Variants in BNIP3 observed in about 807,000 individuals in gnomAD.
The protein encoded by BNIP3 is BCL2/adenovirus E1B 19 kDa protein-interacting protein 3.
In BNIP3, 16 loss-of-function variants were observed where a neutral mutation model predicts 23.9. The observed-to-expected ratio is 0.67, with a 90% CI of 0.45 to 1.01. The LOEUF (loss-of-function observed/expected upper bound fraction) is 1.01, where lower values mean the gene tolerates loss of function less well. Among genes scored for constraint, BNIP3 ranks in the 50% least tolerant of loss-of-function variants. BNIP3 has a pLI of 0.00. For missense variants in BNIP3, 198 were observed against 248.7 expected (o/e 0.80, Z 1.37); for synonymous variants, 81 against 89.3 (o/e 0.91, Z 0.53).
At position 131,970,908 on chromosome 10, in the gene BNIP3, A is replaced by G. The variant is rs150504276; in HGVS notation, c.345T>C (p.Asp115=). 2.7e-3 allele frequency: 4,396 copies of G among 1,614,172 alleles called. 58 individuals carry two copies. The highest frequency in any genetic ancestry group is 1.6e-3 in the Non-Finnish European group (1,881 of 1,180,018). Residue 115 remains aspartate (D), a synonymous_variant, in exon 4 of 6, where the codon GAT becomes GAC. Coordinates refer to ENST00000368636, the MANE Select transcript of BNIP3 (RefSeq NM_004052.4). The surrounding 1 kb of genome is among the most constrained non-coding windows in gnomAD (Gnocchi z 4.1). ...EVESILKKNS[D]WIWDWSSRPE... is the part of the protein sequence containing the mutation. ...GCCGACTTGACCAATCCCATATCCA[A>G]TCTGAGTTTTTCTTCAAGATGCTTT...
Position 131,968,577 on chromosome 10 carries a change from GA to G in BNIP3, c.540-9del. ...CGCCTTCCAATATAGATCCTTCACA[GA>G]AAAATTATCAGTAGTTAATGTATCT... is the stretch of plus-strand genomic sequence containing the variant. On this transcript the variant is annotated splice_polypyrimidine_tract_variant and intron_variant, in intron 5 of 5. Transcript: ENST00000368636. 1 of 1,592,664 alleles carries G rather than the reference GA, an allele frequency of 6.3e-7. No homozygotes were observed. Among genetic ancestry groups the G allele is most frequent in the Non-Finnish European group, 8.6e-7 (1 of 1,161,172 alleles).
chr10:131,980,167 A>C (rs1474129878), intron 1 of BNIP3: 2 of 152,254 alleles, frequency 1.3e-5, no homozygotes, highest in African/African-American at 4.8e-5. Context: ...ATGACTCAGC[A>C]GCCTGTGTAA....
At position 131,970,617 on chromosome 10, in the gene BNIP3, TCA is replaced by T; in HGVS notation, c.539+19_539+20del. The T allele has an allele frequency of 6.2e-7, 1 of 1,611,186 alleles. No individual in the cohort carries two copies. The highest frequency in any genetic ancestry group is 8.5e-7 in the Non-Finnish European group (1 of 1,178,700). Reference sequence around the variant, plus strand: ...GCCCCACGACATGCCATGACAGGAGTCACACAGTCACATCACCTACCCCAATC... The same window carrying T: ...GCCCCACGACATGCCATGACAGGAGTCACAGTCACATCACCTACCCCAATC... On this transcript the variant is annotated intron_variant, in intron 5 of 5. Transcript: ENST00000368636. This position sits in a 1 kb window ranked among gnomAD's most constrained non-coding sequence, Gnocchi z 4.1.
intron 2 of BNIP3, 138 bp downstream of exon 2, chr10:131,973,655 G>A (rs916226402): frequency 8.4e-7 from 1 of 1,186,700 alleles, no homozygotes; most frequent in Non-Finnish European, 1.2e-6. Context: ...ACGGACTGCA[G>A]CAGGAGCCAG....
chr10:131,977,809 T>C (rs45439995), intron 1 of BNIP3, among the ~76,000 whole-genome samples: 70 of 152,242 alleles, frequency 4.6e-4, no homozygotes, highest in African/African-American at 1.6e-3. Context: ...CTCCAGATTG[T>C]CCATGGCTAA....
rs2037081085 is a variant in BNIP3, at chr10:131,976,861, G to C, written c.47-2918C>G. On this transcript the variant is annotated intron_variant, in intron 1 of 5. Coordinates refer to ENST00000368636, the MANE Select transcript of BNIP3 (RefSeq NM_004052.4). This position sits in a 1 kb window ranked among gnomAD's most constrained non-coding sequence, Gnocchi z 4.3. ...ACTTACACCAAAAATGGTTAACCAAGGAGCACTTTTGGAGTACACTGCTAA... is the reference window on the plus strand; with the variant it reads ...ACTTACACCAAAAATGGTTAACCAACGAGCACTTTTGGAGTACACTGCTAA... 6.6e-6 allele frequency among the ~76,000 whole-genome samples: 1 copy of C among 152,164 alleles called. No individual in the cohort carries two copies. The highest frequency in any genetic ancestry group is 1.5e-5 in the Non-Finnish European group (1 of 68,024).
At chr10:131,978,779 A>C (rs1274415108) in intron 1 of BNIP3, among the ~76,000 whole-genome samples, 1 of 152,242 alleles carries the variant, frequency 6.6e-6, no homozygotes, top group Non-Finnish European at 1.5e-5. Context: ...GAACAGAGGG[A>C]GGCAGCATCC....
intron 5 of BNIP3, chr10:131,969,167 A>C (rs1037768403): frequency 4.6e-5 from 7 of 152,796 alleles, no homozygotes; most frequent in Non-Finnish European, 8.8e-5. Context: ...CTGTGAGCGC[A>C]GACAGTGCTG....
intron 1 of BNIP3, chr10:131,981,227 A>G (rs907888390): frequency 3.9e-5 from 6 of 154,188 alleles, no homozygotes; most frequent in African/African-American, 1.2e-4. Context: ...ATTTAATGCC[A>G]TATTTTAAAA....
At chr10:131,979,314 A>G (rs1047662959) in intron 1 of BNIP3, among the ~76,000 whole-genome samples, 4 of 152,242 alleles carry the variant, frequency 2.6e-5, no homozygotes, top group Middle Eastern at 3.2e-3. Flanking sequence ...AATAAGTAGA[A>G]AACATCTTTT....
chr10:131,971,538 C>CG (rs1406293139), intron 3 of BNIP3: 5 of 152,764 alleles, frequency 3.3e-5, no homozygotes, highest in African/African-American at 1.2e-4. Flanking sequence ...ATCTGAGAGT[C>CG]TAAGTGTTTT....
At position 131,973,886 on chromosome 10, in the gene BNIP3, G is replaced by A. The variant is rs1373416687; in HGVS notation, c.104C>T (p.Ser35Leu). ...CATGTCTCCATTATAAATAGAAACC[G>A]AGGCTGGAACGCTGCCCCCGTTCCC... ...NNGNGGSVPASVSIYNGDMEK... is the reference protein window; with the variant it reads ...NNGNGGSVPALVSIYNGDMEK... The change falls in exon 2 of 6, where the codon TCG becomes TTG. Residue 35 changes from serine (S) to leucine (L), a missense_variant. Coordinates refer to ENST00000368636, the MANE Select transcript of BNIP3 (RefSeq NM_004052.4). 8 of 1,613,326 alleles carry A rather than the reference G, an allele frequency of 5.0e-6. No homozygotes were observed. The highest frequency in any genetic ancestry group is 3.3e-5 in the South Asian group (3 of 91,034).
At chr10:131,981,407 C>T in intron 1 of BNIP3, 1 of 349,284 alleles carries the variant, frequency 2.9e-6, no homozygotes, top group Non-Finnish European at 5.2e-6. Flanking sequence ...CGGAGGGCAA[C>T]GTGGACTTTG....
chr10:131,981,705 TC>T, intron 1 of BNIP3, 55 bp downstream of exon 1: 1 of 1,277,732 alleles, frequency 7.8e-7, no homozygotes. Flanking sequence ...CTCTTGGCCT[TC>T]CCCAGGCTTC....
chr10:131,970,404 C>A lies in BNIP3; in HGVS notation c.539+234G>T. The A allele has an allele frequency of 1.7e-6, 1 of 593,818 alleles. No individual in the cohort carries two copies. The highest frequency in any genetic ancestry group is 2.9e-6 in the Non-Finnish European group (1 of 340,482). The allele number at this position is 593,818 out of a possible 1,614,324, so 36.8% of individuals were successfully genotyped here. On this transcript the variant is annotated intron_variant, in intron 5 of 5. Transcript: ENST00000368636. The surrounding 1 kb of genome is among the most constrained non-coding windows in gnomAD (Gnocchi z 4.1). Reference sequence around the variant, plus strand: ...GACTCCGTTTATATTCAGTGAGCAACAGGCAGACTCGTCAGGCCAGACAGC... The same window carrying A: ...GACTCCGTTTATATTCAGTGAGCAAAAGGCAGACTCGTCAGGCCAGACAGC...
At position 131,971,996 on chromosome 10, in the gene BNIP3, CCGTCGTCAAAGTT is replaced by C. The variant is rs571711757; in HGVS notation, c.282+1025_283-1027del. 2.7e-3 allele frequency among the ~76,000 whole-genome samples: 403 copies of C among 151,854 alleles called. 5 individuals are homozygous for C. Among genetic ancestry groups the C allele is most frequent in the African/African-American group, 9.2e-3 (379 of 41,316 alleles). On this transcript the variant is annotated intron_variant, in intron 3 of 5. Transcript: ENST00000368636. ...GAGCTTCCAAAATACAGAACACAGT[CCGTCGTCAAAGTT>C]CTCACCAGCAACGAACACCCAAGAA...
chr10:131,978,503 ACTCCCTGGGTCCCATTC>A (rs1234407258), intron 1 of BNIP3, among the ~76,000 whole-genome samples: 5 of 151,916 alleles, frequency 3.3e-5, no homozygotes, highest in Non-Finnish European at 7.4e-5. Flanking sequence ...TCCCAGGGCA[ACTCCCTGGGTCCCATTC>A]CTCAACATGG....
Position 131,970,986 on chromosome 10 carries a change from T to C in BNIP3, c.283-16A>G. 1 of 1,609,226 alleles carries C rather than the reference T, an allele frequency of 6.2e-7. No homozygotes were observed. Among genetic ancestry groups the C allele is most frequent in the Non-Finnish European group, 8.5e-7 (1 of 1,177,742 alleles). On this transcript the variant is annotated splice_polypyrimidine_tract_variant and intron_variant, in intron 3 of 5. Transcript: ENST00000368636. This position sits in a 1 kb window ranked among gnomAD's most constrained non-coding sequence, Gnocchi z 4.1. ...CTTCCTCAGACTAAGATAAAGTCAA[T>C]GTTAAAGGCAGATCAGTGTACCACA... is the stretch of plus-strand genomic sequence containing the variant.
intron 3 of BNIP3, among the ~76,000 whole-genome samples, chr10:131,972,647 A>G (rs1191979877): frequency 1.3e-5 from 2 of 152,212 alleles, no homozygotes; most frequent in African/African-American, 4.8e-5. Context: ...TCACTGTCCA[A>G]CCAGCAACCA....
Sources: allele counts gnomAD v4.1 joint callset (sites outside exome capture counted in the v4.1 genomes callset), GRCh38; gene constraint gnomAD v4.1.1; non-coding constraint Gnocchi (gnomAD v3.1); transcripts MANE v1.5; gene names NCBI Gene and HGNC (gene_info 2026-07-23, HGNC 2026-07-21).